The following EIF5B variants were observed in gnomAD, a reference collection of about 807,000 sequenced individuals.
The protein encoded by EIF5B is eukaryotic translation initiation factor 5B.
Under a neutral mutation model 147.5 loss-of-function variants are expected in EIF5B, and 47 were observed. The ratio of observed to expected loss-of-function variants is 0.32; its 90% CI spans 0.25 to 0.41. EIF5B has a LOEUF of 0.41. EIF5B is among the 10% of genes least tolerant of loss of function. The pLI, the probability that EIF5B is intolerant of heterozygous loss-of-function variation, is 1.00. For missense variants in EIF5B, 1,064 were observed against 1,413.2 expected (o/e 0.75, Z 3.96); for synonymous variants, 455 against 456.2 (o/e 1.00, Z 0.03).
Position 99,337,397 on chromosome 2 carries a change from T to C in EIF5B, c.-158T>C, listed in dbSNP as rs1008991201. 3.4e-6 allele frequency: 3 copies of C among 885,686 alleles called. No homozygotes were observed. Among genetic ancestry groups the C allele is most frequent in the African/African-American group, 1.7e-5 (1 of 59,440 alleles). 54.9% of individuals were successfully genotyped at this position (885,686 alleles called of 1,614,324 possible). ...TTGCGCACTGAGAACTCACACCATA[T>C]GTGTCCTGTTCCAGTGCGCGGGTCT... On this transcript the variant is annotated 5_prime_UTR_variant, in exon 1 of 24. It removes an upstream start codon present in the reference 5' UTR. Coordinates refer to ENST00000289371, the MANE Select transcript of EIF5B (RefSeq NM_015904.4).
At chr2:99,377,583 C>A (rs532560487) in intron 10 of EIF5B, among the ~76,000 whole-genome samples, 2 of 151,724 alleles carry the variant, frequency 1.3e-5, no homozygotes, top group East Asian at 3.9e-4. Flanking sequence ...TACCCATGTT[C>A]GAGAGAGTGA....
chr2:99,355,890 G>A (rs1674087506), intron 1 of EIF5B, among the ~76,000 whole-genome samples: 1 of 152,188 alleles, frequency 6.6e-6, no homozygotes, highest in African/African-American at 2.4e-5. Flanking sequence ...TGGGATTACA[G>A]GCGTGAGGCA....
At position 99,396,993 on chromosome 2, in the gene EIF5B, A is replaced by G. The variant is rs1675065394; in HGVS notation, c.3393+95A>G. On this transcript the variant is annotated intron_variant, in intron 22 of 23. Coordinates refer to ENST00000289371, the MANE Select transcript of EIF5B (RefSeq NM_015904.4). The stretch of plus-strand genomic sequence containing the variant: ...ACACAGCTTTGTGCCTGTAGTTCAC[A>G]GTACTGTGCTGTGTATTTAGTGTGG... 8 of 1,387,052 alleles carry G rather than the reference A, an allele frequency of 5.8e-6. No individual in the cohort carries two copies. The South Asian group carries it at 9.5e-5, about 16-fold the overall frequency. 85.9% of individuals were successfully genotyped at this position (1,387,052 alleles called of 1,614,324 possible).
chr2:99,396,346 T>C (rs148314778), intron 21 of EIF5B, among the ~76,000 whole-genome samples: 202 of 152,304 alleles, frequency 1.3e-3, no homozygotes, highest in Non-Finnish European at 2.3e-3. Context: ...GTCTGATGCC[T>C]ATGTGATCCC....
chr2:99,386,166 A>T (rs1325153953), intron 14 of EIF5B, among the ~76,000 whole-genome samples: 4 of 152,122 alleles, frequency 2.6e-5, no homozygotes, highest in African/African-American at 7.2e-5. Flanking sequence ...TACTCGCCCT[A>T]CCTCCAGCAT....
rs1675156069 is a variant in EIF5B, at chr2:99,399,601, C to CAGTT, written c.*189_*192dup. ...AAACTTACACTGGTTTGACAGTGGT[C>CAGTT]AGTTACATGTCCCCACAGTTCCAAT... is the stretch of plus-strand genomic sequence containing the variant. On this transcript the variant is annotated 3_prime_UTR_variant, in exon 24 of 24. Coordinates refer to ENST00000289371, the MANE Select transcript of EIF5B (RefSeq NM_015904.4). The CAGTT allele has an allele frequency of 1.8e-6, 1 of 550,694 alleles. No individual in the cohort carries two copies. Among genetic ancestry groups the CAGTT allele is most frequent in the South Asian group, 2.0e-5 (1 of 49,372 alleles). 34.1% of individuals were successfully genotyped at this position (550,694 alleles called of 1,614,324 possible). A position where few individuals can be genotyped will look rare whatever the true frequency, so the allele number is the denominator to read the frequency against.
At chr2:99,352,435 T>A (rs2105339438) in intron 1 of EIF5B, among the ~76,000 whole-genome samples, 1 of 151,978 alleles carries the variant, frequency 6.6e-6, no homozygotes, top group African/African-American at 2.4e-5. Flanking sequence ...CCTCAGGTGA[T>A]CCACCCGCTT....
intron 1 of EIF5B, 119 bp downstream of exon 1, chr2:99,337,708 G>C (rs944976781): frequency 9.1e-6 from 12 of 1,311,588 alleles, no homozygotes; most frequent in Admixed American, 5.4e-5. Flanking sequence ...CGGGGTACCA[G>C]GCCTGGGCCC....
intron 14 of EIF5B, among the ~76,000 whole-genome samples, chr2:99,384,851 A>T (rs1218232734): frequency 6.6e-6 from 1 of 152,210 alleles, no homozygotes; most frequent in East Asian, 1.9e-4. Flanking sequence ...TGGGTGGGCA[A>T]AGAAAGTGGT....
At chr2:99,396,706 T>G in intron 21 of EIF5B, 54 bp from the exon 22 acceptor site, 2 of 1,537,750 alleles carry the variant, frequency 1.3e-6, no homozygotes, top group East Asian at 4.5e-5. Flanking sequence ...CAGTTTTTCT[T>G]TTTATGTTTA....
Position 99,401,210 on chromosome 2 carries a change from T to C in EIF5B, c.*1796T>C, listed in dbSNP as rs561233948. ...ACCTCACAAGCACTTATGGCACAGC[T>C]ATCAGAGAGCATCAGGCTCTCTGGT... On this transcript the variant is annotated 3_prime_UTR_variant, in exon 24 of 24. Coordinates refer to ENST00000289371, the MANE Select transcript of EIF5B (RefSeq NM_015904.4). The C allele has an allele frequency of 1.5e-6, 2 of 1,342,812 alleles. No homozygotes were observed. The highest frequency in any genetic ancestry group is 2.9e-5 in the African/African-American group (2 of 69,698). The allele number at this position is 1,342,812 out of a possible 1,614,324, so 83.2% of individuals were successfully genotyped here. A position where few individuals can be genotyped will look rare whatever the true frequency, so the allele number is the denominator to read the frequency against.
In EIF5B at chr2:99,364,261, T is replaced by A; in HGVS notation, c.1138-10T>A. On this transcript the variant is annotated splice_polypyrimidine_tract_variant and intron_variant, in intron 5 of 23. Coordinates refer to ENST00000289371, the MANE Select transcript of EIF5B (RefSeq NM_015904.4). ...AATACAGGTTTTGTCTGACATGTACTCTTTTATAGGAACGATTGGAACAAG... is the reference window on the plus strand; with the variant it reads ...AATACAGGTTTTGTCTGACATGTACACTTTTATAGGAACGATTGGAACAAG... 1 of 1,574,624 alleles carries A rather than the reference T, an allele frequency of 6.4e-7. No individual in the cohort carries two copies. Among genetic ancestry groups the A allele is most frequent in the Non-Finnish European group, 8.6e-7 (1 of 1,167,172 alleles).
chr2:99,384,483 T>G (rs1674758274), intron 14 of EIF5B, among the ~76,000 whole-genome samples: 1 of 152,252 alleles, frequency 6.6e-6, no homozygotes, highest in African/African-American at 2.4e-5. Flanking sequence ...TTTTCAACTT[T>G]CAAGTATTGT....
chr2:99,390,854 C>T (rs558379898), intron 17 of EIF5B, 149 bp downstream of exon 17: 34 of 876,560 alleles, frequency 3.9e-5, no homozygotes, highest in Non-Finnish European at 5.3e-5. Context: ...TGTCATCATA[C>T]AGGAAGGCCT....
chr2:99,351,889 G>A (rs1335253716), intron 1 of EIF5B, among the ~76,000 whole-genome samples: 2 of 151,836 alleles, frequency 1.3e-5, no homozygotes, highest in Non-Finnish European at 2.9e-5. Context: ...TAGTAGGGAC[G>A]GGATTTCACC....
chr2:99,376,385 C>G lies in EIF5B; in HGVS notation c.1591C>G (p.Pro531Ala). The G allele has an allele frequency of 6.6e-7, 1 of 1,512,604 alleles. No homozygotes were observed. Among genetic ancestry groups the G allele is most frequent in the South Asian group, 1.2e-5 (1 of 83,234 alleles). 93.7% of individuals were successfully genotyped at this position (1,512,604 alleles called of 1,614,324 possible). Reference sequence around the variant, plus strand: ...AGTTCATATAGAAGTAAAAGAAAACCCTGAAGAGGAGGAGGAGGAGGAAGA... The same window carrying G: ...AGTTCATATAGAAGTAAAAGAAAACGCTGAAGAGGAGGAGGAGGAGGAAGA... The part of the protein sequence containing the change: ...NKVHIEVKEN[P>A]EEEEEEEEEE... The change falls in exon 10 of 24, where the codon CCT becomes GCT. Residue 531 changes from proline (P) to alanine (A), a missense_variant. Physicochemically the swap from Pro to Ala is conservative, Grantham distance 27 (BLOSUM62 -1). Transcript: ENST00000289371.
intron 22 of EIF5B, 44 bp from the exon 23 acceptor site, chr2:99,398,704 C>G: frequency 6.4e-7 from 1 of 1,568,430 alleles, no homozygotes; most frequent in Non-Finnish European, 8.7e-7. Context: ...CTGTGATTGG[C>G]ATGAATTCTT....
intron 4 of EIF5B, among the ~76,000 whole-genome samples, chr2:99,362,073 A>AT (rs200253576): frequency 0.011 from 1,674 of 151,826 alleles, 9 homozygotes; most frequent in Middle Eastern, 0.024. Flanking sequence ...TATGAAAACT[A>AT]TTTTTTTTGC....
intron 1 of EIF5B, 47 bp from the exon 2 acceptor site, chr2:99,360,189 T>A: frequency 6.5e-7 from 1 of 1,550,002 alleles, no homozygotes; most frequent in Non-Finnish European, 8.7e-7. Flanking sequence ...AATGAATGAT[T>A]ATTTTGCTTT....
Sources: allele counts gnomAD v4.1 joint callset (sites outside exome capture counted in the v4.1 genomes callset), GRCh38; gene constraint gnomAD v4.1.1; transcripts MANE v1.5; gene names NCBI Gene and HGNC (gene_info 2026-07-23, HGNC 2026-07-21).